The following HSF2BP variants were observed in gnomAD, a reference collection of about 807,000 sequenced individuals.
HSF2BP encodes heat shock transcription factor 2 binding protein.
Under a neutral mutation model 35.0 loss-of-function variants are expected in HSF2BP, and 35 were observed. The ratio of observed to expected loss-of-function variants is 1.00; its 90% CI spans 0.76 to 1.32. The LOEUF is 1.32. Among genes scored for constraint, HSF2BP ranks in the 40% most tolerant of loss-of-function variants. The pLI is 0.00. For synonymous variants in HSF2BP, 114 were observed against 117.4 expected, an observed-to-expected ratio of 0.97 and a Z score of 0.18; for missense variants, 326 against 321.7, an observed-to-expected ratio of 1.01 and a Z score of -0.10.
chr21:43,612,094 A>T (rs1345369098), intron 7 of HSF2BP, among the ~76,000 whole-genome samples: 3 of 152,158 alleles, frequency 2.0e-5, no homozygotes, highest in Non-Finnish European at 4.4e-5. Context: ...AGGACGACAC[A>T]CTGAAACCAA....
intron 8 of HSF2BP, among the ~76,000 whole-genome samples, chr21:43,575,592 A>G (rs2081633016): frequency 6.6e-6 from 1 of 152,228 alleles, no homozygotes. Flanking sequence ...CTTTGGGAGG[A>G]AAGTCTTTAG....
At position 43,592,280 on chromosome 21, in the gene HSF2BP, C is replaced by T. The variant is rs144578484; in HGVS notation, c.741G>A (p.Leu247=). 758 of 1,613,978 alleles carry T rather than the reference C, an allele frequency of 4.7e-4. 1 individual carries two copies. The highest frequency in any genetic ancestry group is 5.9e-4 in the Non-Finnish European group (700 of 1,179,892). The change falls in exon 8 of 9, where the codon TTG becomes TTA. Residue 247 remains leucine, a synonymous_variant. Transcript: ENST00000291560. ...LYNVSINLKG[L]KYISESPGFI... is the part of the protein sequence containing the mutation. ...ATCCTGGACTCTCGCTGATGTATTTCAAGCCTTTCAAATTGATGCTTACAT... is the reference window on the plus strand; with the variant it reads ...ATCCTGGACTCTCGCTGATGTATTTTAAGCCTTTCAAATTGATGCTTACAT...
chr21:43,657,066 A>G lies in HSF2BP; in HGVS notation c.37-329T>C, dbSNP rs1446405350. Reference sequence around the variant, plus strand: ...AACATGGAGAGACCCTGTCACTACAAAAATATGAAAACGTGCCCAGGAGGC... The same window carrying G: ...AACATGGAGAGACCCTGTCACTACAGAAATATGAAAACGTGCCCAGGAGGC... On this transcript the variant is annotated intron_variant, in intron 2 of 8. Coordinates refer to ENST00000291560, the MANE Select transcript of HSF2BP (RefSeq NM_007031.2). Among the ~76,000 whole-genome samples, 4 of 152,192 alleles carry G rather than the reference A, an allele frequency of 2.6e-5. No homozygotes were observed. The East Asian group carries it at 5.8e-4, about 22-fold the overall frequency.
chr21:43,613,966 C>A lies in HSF2BP; in HGVS notation c.575-19G>T. 1 of 1,526,004 alleles carries A rather than the reference C, an allele frequency of 6.6e-7. No individual in the cohort carries two copies. The highest frequency in any genetic ancestry group is 9.1e-7 in the Non-Finnish European group (1 of 1,102,732). 94.5% of individuals were successfully genotyped at this position (1,526,004 alleles called of 1,614,324 possible). ...GCAACATCTGCAACAGAAAATGAAA[C>A]AAAACATCAAGATCATTATGACTCA... On this transcript the variant is annotated intron_variant, in intron 6 of 8. Transcript: ENST00000291560.
At chr21:43,596,953 G>C (rs2146816311) in intron 7 of HSF2BP, among the ~76,000 whole-genome samples, 1 of 151,562 alleles carries the variant, frequency 6.6e-6, no homozygotes, top group Middle Eastern at 3.4e-3. Context: ...TTTAGACAAG[G>C]CCACATAGCA....
chr21:43,637,720 CT>C (rs1335397210), intron 4 of HSF2BP, among the ~76,000 whole-genome samples: 2 of 151,312 alleles, frequency 1.3e-5, no homozygotes, highest in African/African-American at 4.9e-5. Flanking sequence ...CAATTGGATC[CT>C]TTGGGCCCAG....
chr21:43,592,903 CAG>C (rs754201416), intron 7 of HSF2BP, among the ~76,000 whole-genome samples: 1 of 152,162 alleles, frequency 6.6e-6, no homozygotes, highest in African/African-American at 2.4e-5. Context: ...GCTGGCAATG[CAG>C]AGTCTGATGA....
chr21:43,630,143 C>T (rs2082436052), intron 6 of HSF2BP, among the ~76,000 whole-genome samples, 179 bp downstream of exon 6: 1 of 152,200 alleles, frequency 6.6e-6, no homozygotes, highest in African/African-American at 2.4e-5. Flanking sequence ...AAAGTTTGTA[C>T]ATTTTTTAGA....
At chr21:43,582,541 G>A (rs1413499328) in intron 8 of HSF2BP, among the ~76,000 whole-genome samples, 6 of 103,032 alleles carry the variant, frequency 5.8e-5, no homozygotes, top group African/African-American at 7.9e-5. Context: ...AGGGAGATGA[G>A]GACCTGCTGA....
At chr21:43,593,105 T>C (rs549449940) in intron 7 of HSF2BP, among the ~76,000 whole-genome samples, 24 of 152,278 alleles carry the variant, frequency 1.6e-4, no homozygotes, top group Admixed American at 3.3e-4. Flanking sequence ...CACAAAATCT[T>C]AGAGGAAAGT....
rs192658545 is a variant in HSF2BP at position 43,634,527 on chromosome 21, A to G, written c.292-1106T>C. Among the ~76,000 whole-genome samples, 3 of 152,366 alleles carry G rather than the reference A, an allele frequency of 2.0e-5. No individual in the cohort carries two copies. In the East Asian group the frequency reaches 5.8e-4, roughly 29 times the overall value. Reference sequence around the variant, plus strand: ...GATTTTCTTTTAGAGAGATAAATACAAGACAAAGTAGAGGGGGCTTTTCAC... The same window carrying G: ...GATTTTCTTTTAGAGAGATAAATACGAGACAAAGTAGAGGGGGCTTTTCAC... On this transcript the variant is annotated intron_variant, in intron 4 of 8. Transcript: ENST00000291560.
rs1409568647 is a variant in HSF2BP at position 43,592,379 on chromosome 21, C to T, written c.693-51G>A. 4 of 1,185,818 alleles carry T rather than the reference C, an allele frequency of 3.4e-6. No homozygotes were observed. In the East Asian group the frequency reaches 7.0e-5, roughly 21 times the overall value. The allele number at this position is 1,185,818 out of a possible 1,614,324, so 73.5% of individuals were successfully genotyped here. ...GGAATGCTCCATCCACACTACATTTCACCCTAAACATACCTACTAGTTAAG... is the reference window on the plus strand; with the variant it reads ...GGAATGCTCCATCCACACTACATTTTACCCTAAACATACCTACTAGTTAAG... On this transcript the variant is annotated intron_variant, in intron 7 of 8. Transcript: ENST00000291560.
At chr21:43,575,935 T>C (rs914959669) in intron 8 of HSF2BP, among the ~76,000 whole-genome samples, 1 of 152,142 alleles carries the variant, frequency 6.6e-6, no homozygotes, top group Non-Finnish European at 1.5e-5. Flanking sequence ...CTGGCCAACA[T>C]GGCGAAACCC....
chr21:43,605,121 CCACA>C (rs1025246456), intron 7 of HSF2BP, among the ~76,000 whole-genome samples: 2 of 150,860 alleles, frequency 1.3e-5, no homozygotes, highest in African/African-American at 4.9e-5. Flanking sequence ...CACACACACA[CCACA>C]CAGATACCAC....
At chr21:43,653,683 G>A (rs925761513) in intron 3 of HSF2BP, among the ~76,000 whole-genome samples, 1 of 152,136 alleles carries the variant, frequency 6.6e-6, no homozygotes, top group African/African-American at 2.4e-5. Context: ...GAAGACTTAC[G>A]CAGGTGAATG....
intron 6 of HSF2BP, among the ~76,000 whole-genome samples, chr21:43,615,005 A>T (rs1223440978): frequency 1.3e-5 from 2 of 152,234 alleles, no homozygotes; most frequent in Non-Finnish European, 2.9e-5. Context: ...CGGCCTGAAG[A>T]CCAGACCGAG....
intron 3 of HSF2BP, among the ~76,000 whole-genome samples, chr21:43,654,842 T>G (rs2082843959): frequency 2.0e-5 from 3 of 152,282 alleles, no homozygotes; most frequent in Middle Eastern, 3.4e-3. Flanking sequence ...GGTGAGGCAA[T>G]GAGCGGGGCC....
At chr21:43,620,639 G>A (rs910244886) in intron 6 of HSF2BP, among the ~76,000 whole-genome samples, 13 of 152,158 alleles carry the variant, frequency 8.5e-5, no homozygotes, top group African/African-American at 2.4e-4. Context: ...AGGTTGCAGT[G>A]AGCTAGAATT....
intron 5 of HSF2BP, among the ~76,000 whole-genome samples, chr21:43,632,219 T>G (rs1196896078): frequency 3.5e-5 from 1 of 28,746 alleles, no homozygotes; most frequent in Non-Finnish European, 6.1e-5. Context: ...ACACATACGA[T>G]CCCACATACA....
Sources: gnomAD v4.1 joint callset for allele counts (sites outside exome capture counted in the v4.1 genomes callset) on GRCh38, gnomAD v4.1.1 for gene constraint, MANE v1.5 for transcripts, NCBI Gene and HGNC (gene_info 2026-07-23, HGNC 2026-07-21) for gene names.